The following IFT74 variants were observed in gnomAD, a reference collection of about 807,000 sequenced individuals.
The protein encoded by IFT74 is intraflagellar transport protein 74 homolog.
In IFT74, 92 loss-of-function variants were observed where a neutral mutation model predicts 96.7. The ratio of observed to expected loss-of-function variants is 0.95; its 90% CI spans 0.80 to 1.13. The LOEUF is 1.13. Among genes scored for constraint, IFT74 ranks in the 50% most tolerant of loss-of-function variants. The pLI is 0.00. For missense variants in IFT74, 811 were observed against 698.2 expected (o/e 1.16, Z -1.82); for synonymous variants, 223 against 213.2 (o/e 1.05, Z -0.40).
chr9:26,947,901 A>G (rs1825796942), intron 1 of IFT74, among the ~76,000 whole-genome samples: 1 of 151,808 alleles, frequency 6.6e-6, no homozygotes, highest in African/African-American at 2.4e-5. Flanking sequence ...ATTTTTAACA[A>G]CCCCGCCGCC....
chr9:27,042,889 T>G (rs1039174991), intron 13 of IFT74, among the ~76,000 whole-genome samples: 4 of 152,194 alleles, frequency 2.6e-5, no homozygotes, highest in East Asian at 1.9e-4. Context: ...TCATGTGTGC[T>G]GCAAACTCCA....
chr9:27,049,317 G>T (rs1819828210), intron 16 of IFT74, among the ~76,000 whole-genome samples: 1 of 152,152 alleles, frequency 6.6e-6, no homozygotes, highest in Non-Finnish European at 1.5e-5. Context: ...TTCACAACTG[G>T]ATACCCTAAG....
intron 18 of IFT74, among the ~76,000 whole-genome samples, chr9:27,059,657 C>T (rs1820329601): frequency 6.6e-6 from 1 of 152,210 alleles, no homozygotes; most frequent in Admixed American, 6.5e-5. Context: ...TACCAGCTCA[C>T]AGCACATACA....
rs1401593024 is a variant in IFT74, at chr9:27,064,688, G to A, written c.*1952G>A. Reference sequence around the variant, plus strand: ...ATCTGGAAAACATGTTTGTGGATAGGTAATCTTTGTTTTCCTCATTTGAAA... The same window carrying A: ...ATCTGGAAAACATGTTTGTGGATAGATAATCTTTGTTTTCCTCATTTGAAA... On this transcript the variant is annotated 3_prime_UTR_variant, in exon 20 of 20. Transcript: ENST00000380062. Among the ~76,000 whole-genome samples, 1 of 151,982 alleles carries A rather than the reference G, an allele frequency of 6.6e-6. No individual in the cohort carries two copies. The highest frequency in any genetic ancestry group is 1.5e-5 in the Non-Finnish European group (1 of 67,942).
At chr9:27,023,579 T>G (rs1057035847) in intron 12 of IFT74, among the ~76,000 whole-genome samples, 6 of 152,214 alleles carry the variant, frequency 3.9e-5, no homozygotes, top group African/African-American at 1.4e-4. Context: ...TGAGGATTTT[T>G]GCCTCTAAGT....
rs1014596918 is a variant in IFT74, at chr9:26,982,353, G to C, written c.305+1734G>C. 7 of 440,052 alleles carry C rather than the reference G, an allele frequency of 1.6e-5. No homozygotes were observed. In the East Asian group the frequency reaches 4.6e-4, roughly 29 times the overall value. 27.3% of individuals were successfully genotyped at this position (440,052 alleles called of 1,614,324 possible). ...ATCTCACGTCACTGCAACTTCCACCGCCTGGATTCAAGTGATTCTCTTGCC... is the reference window on the plus strand; with the variant it reads ...ATCTCACGTCACTGCAACTTCCACCCCCTGGATTCAAGTGATTCTCTTGCC... On this transcript the variant is annotated intron_variant, in intron 4 of 19. Transcript: ENST00000380062.
At chr9:27,062,364 A>G (rs1820465177) in intron 19 of IFT74, among the ~76,000 whole-genome samples, 1 of 152,228 alleles carries the variant, frequency 6.6e-6, no homozygotes, top group East Asian at 1.9e-4. Context: ...GACCAGAATT[A>G]GATTAAAAAT....
chr9:27,036,582 T>C (rs1250179350), intron 13 of IFT74: 4 of 1,586,250 alleles, frequency 2.5e-6, no homozygotes, highest in Non-Finnish European at 3.4e-6. Flanking sequence ...TAGCCTCCCA[T>C]TGTTTCACAG....
At chr9:27,026,510 C>T (rs561096804) in intron 12 of IFT74, among the ~76,000 whole-genome samples, 1 of 152,290 alleles carries the variant, frequency 6.6e-6, no homozygotes, top group South Asian at 2.1e-4. Context: ...TACCCAACAA[C>T]TGCAGAATAT....
At chr9:27,050,125 A>G (rs1285801962) in intron 16 of IFT74, among the ~76,000 whole-genome samples, 17 of 152,052 alleles carry the variant, frequency 1.1e-4, no homozygotes. Flanking sequence ...TGGCGTGATC[A>G]CAGCTCACTG....
intron 13 of IFT74, among the ~76,000 whole-genome samples, chr9:27,030,678 C>T (rs2131646243): frequency 6.6e-6 from 1 of 152,134 alleles, no homozygotes; most frequent in African/African-American, 2.4e-5. Context: ...TGGCTACAAG[C>T]TCTGCATCAT....
At chr9:27,020,110 G>A (rs147630004) in intron 12 of IFT74, among the ~76,000 whole-genome samples, 16 of 151,686 alleles carry the variant, frequency 1.1e-4, no homozygotes, top group African/African-American at 3.6e-4. Flanking sequence ...CGAGTAGCTG[G>A]GACTACAGGC....
At chr9:27,004,490 C>T (rs566563590) in intron 8 of IFT74, among the ~76,000 whole-genome samples, 6 of 152,176 alleles carry the variant, frequency 3.9e-5, no homozygotes, top group Middle Eastern at 6.8e-3. Flanking sequence ...GGGGTGATGT[C>T]GATTATCATG....
At chr9:27,008,891 C>G (rs137873170) in intron 8 of IFT74, 129 bp from the exon 9 acceptor site, 5 of 714,594 alleles carry the variant, frequency 7.0e-6, no homozygotes, top group Non-Finnish European at 1.1e-5. Flanking sequence ...AATATAAAGA[C>G]TTTTCAGTCA....
chr9:26,990,811 C>T (rs1272161644), intron 8 of IFT74, among the ~76,000 whole-genome samples: 2 of 152,160 alleles, frequency 1.3e-5, no homozygotes, highest in African/African-American at 4.8e-5. Context: ...GCTGGGTATG[C>T]ACAGGTTGAG....
At chr9:27,031,795 T>TATAAA (rs1563989178) in intron 13 of IFT74, among the ~76,000 whole-genome samples, 2 of 135,850 alleles carry the variant, frequency 1.5e-5, no homozygotes, top group African/African-American at 5.4e-5. Flanking sequence ...TAAAATAAAA[T>TATAAA]GTAAAATAAA....
At chr9:26,978,746 A>G (rs912986068) in intron 3 of IFT74, among the ~76,000 whole-genome samples, 1 of 152,174 alleles carries the variant, frequency 6.6e-6, no homozygotes, top group African/African-American at 2.4e-5. Context: ...AAGTGAGTCA[A>G]GAAATGTTAC....
intron 13 of IFT74, among the ~76,000 whole-genome samples, chr9:27,031,756 TA>T (rs1321918136): frequency 2.8e-5 from 4 of 145,370 alleles, no homozygotes; most frequent in African/African-American, 1.0e-4. Context: ...TAAAATAAAA[TA>T]AAATAAAATA....
chr9:26,972,402 G>A (rs780605707), intron 2 of IFT74, among the ~76,000 whole-genome samples: 5 of 152,074 alleles, frequency 3.3e-5, no homozygotes, highest in Non-Finnish European at 5.9e-5. Flanking sequence ...CAGGTGACTG[G>A]GTCTAAAACT....
Sources: gnomAD v4.1 joint callset for allele counts (sites outside exome capture counted in the v4.1 genomes callset) on GRCh38, gnomAD v4.1.1 for gene constraint, MANE v1.5 for transcripts, NCBI Gene and HGNC (gene_info 2026-07-23, HGNC 2026-07-21) for gene names.